MED23: variants seen among roughly 807,000 people sequenced by gnomAD.
The protein encoded by MED23 is mediator complex subunit 23, also known as mediator of RNA polymerase II transcription subunit 23.
In MED23, 105 loss-of-function variants were observed where a neutral mutation model predicts 163.9. That is an observed-to-expected ratio of 0.64 (90% CI 0.55 to 0.75). The LOEUF (loss-of-function observed/expected upper bound fraction) is 0.75, where lower values mean the gene tolerates loss of function less well. Among genes scored for constraint, MED23 ranks in the 30% least tolerant of loss-of-function variants. The pLI, the probability that MED23 is intolerant of heterozygous loss-of-function variation, is 0.00. For synonymous variants in MED23, 561 were observed against 565.6 expected, an observed-to-expected ratio of 0.99 and a Z score of 0.12; for missense variants, 1,054 against 1,649.0, an observed-to-expected ratio of 0.64 and a Z score of 6.25.
At chr6:131,618,978 C>T (rs1365841482) in intron 8 of MED23, among the ~76,000 whole-genome samples, 1 of 152,186 alleles carries the variant, frequency 6.6e-6, no homozygotes, top group African/African-American at 2.4e-5. Context: ...ACTTTATGCA[C>T]GATATTCCTA....
At chr6:131,622,452 A>C (rs1777181498) in intron 5 of MED23, among the ~76,000 whole-genome samples, 1 of 152,072 alleles carries the variant, frequency 6.6e-6, no homozygotes, top group Non-Finnish European at 1.5e-5. Flanking sequence ...ACATACCTTA[A>C]TCTCTCAAGG....
At chr6:131,592,932 T>C in intron 24 of MED23, 74 bp downstream of exon 24, 2 of 1,572,856 alleles carry the variant, frequency 1.3e-6, no homozygotes, top group Non-Finnish European at 1.7e-6. Flanking sequence ...AGGTTTGTCT[T>C]AAAAGTTTGA....
At chr6:131,578,721 A>T (rs1773757887) in intron 30 of MED23, among the ~76,000 whole-genome samples, 1 of 152,188 alleles carries the variant, frequency 6.6e-6, no homozygotes, top group African/African-American at 2.4e-5. Flanking sequence ...GTATTTAATT[A>T]TTATCAAAAT....
In MED23 at chr6:131,580,979, A is replaced by G. The variant is rs9483309; in HGVS notation, c.4096-6684T>C. On this transcript the variant is annotated intron_variant, in intron 30 of 30. Coordinates refer to the MED23 transcript ENST00000354577. Reference sequence around the variant, plus strand: ...GTTTTCTTACAAGGTGGATTTTGGGAAAAAAAATCACAGTTTTTTTAGTAA... The same window carrying G: ...GTTTTCTTACAAGGTGGATTTTGGGGAAAAAAATCACAGTTTTTTTAGTAA... Among the ~76,000 whole-genome samples, 1,671 of 152,048 alleles carry G rather than the reference A, an allele frequency of 0.011. 30 individuals are homozygous for G. Among genetic ancestry groups the G allele is most frequent in the African/African-American group, 0.038 (1,581 of 41,456 alleles).
chr6:131,579,378 A>C, intron 30 of MED23: 1 of 1,401,636 alleles, frequency 7.1e-7, no homozygotes, highest in Non-Finnish European at 9.8e-7. Flanking sequence ...TAGACAGAAA[A>C]GCATTGACCT....
In MED23 at chr6:131,587,830, C is replaced by T; in HGVS notation, c.3956G>A (p.Cys1319Tyr). The T allele has an allele frequency of 6.2e-7, 1 of 1,613,220 alleles. No homozygotes were observed. The change falls in exon 29 of 29, where the codon TGT becomes TAT. Residue 1319 changes from cysteine to tyrosine, a missense_variant. By Grantham distance (194) the Cys-to-Tyr change is radical. This residue lies in a region of MED23 where 362 missense variants were observed against 471.6 expected (regional missense o/e 0.77). Coordinates refer to ENST00000368068, the MANE Select transcript of MED23 (RefSeq NM_004830.4). ...AAGTTTTAAAGCTGGTTTTAAGTTA[C>T]AGATAATCTTCTCTACCTAAGAAAT... ...SVKEQVEKII[C>Y]NLKPALKLRL...
At chr6:131,617,425 T>C (rs918009218) in intron 9 of MED23, among the ~76,000 whole-genome samples, 1 of 151,262 alleles carries the variant, frequency 6.6e-6, no homozygotes, top group Non-Finnish European at 1.5e-5. Context: ...ATTGTAACTA[T>C]GATGTAAAAA....
chr6:131,612,840 T>TG (rs1321561729), intron 10 of MED23, among the ~76,000 whole-genome samples: 13 of 152,244 alleles, frequency 8.5e-5, no homozygotes, highest in African/African-American at 2.6e-4. Context: ...TGGCAAATGA[T>TG]GTCGCTTTTC....
chr6:131,577,876 C>A (rs1301028828), intron 30 of MED23, among the ~76,000 whole-genome samples: 1 of 150,130 alleles, frequency 6.7e-6, no homozygotes, highest in Non-Finnish European at 1.5e-5. Flanking sequence ...TGCACCCCAA[C>A]CTGGGCGACA....
chr6:131,583,053 T>C, downstream of MED23: 1 of 1,600,914 alleles, frequency 6.2e-7, no homozygotes, highest in Non-Finnish European at 8.6e-7. Context: ...TAATTTCTCT[T>C]TTATAGCTAC....
In MED23 at chr6:131,610,082, T is replaced by G. The variant is rs1474097365; in HGVS notation, c.1041A>C (p.Ala347=). 2 of 1,613,910 alleles carry G rather than the reference T, an allele frequency of 1.2e-6. No homozygotes were observed. The highest frequency in any genetic ancestry group is 1.7e-6 in the Non-Finnish European group (2 of 1,179,898). The change falls in exon 11 of 29, where the codon GCA becomes GCC. Residue 347 remains alanine (A), a synonymous_variant. Transcript: ENST00000368068. ...GAGAAAGCACCATATGTGGAAAACT[T>G]GCAAACTGGAAAAGCACAAAGAAAA... ...QLIFFVLFQF[A]SFPHMVLSLH... is the part of the protein sequence containing the mutation.
At position 131,574,211 on chromosome 6, in the gene MED23, T is replaced by C. The variant is rs1443837486; in HGVS notation, c.*82A>G. On this transcript the variant is annotated 3_prime_UTR_variant, in exon 31 of 31. Transcript: ENST00000354577. ...AATGTATGAGTTGAAACTACTAAGG[T>C]TGATTTTCTCCAGGTTTCTCAGGAT... 5 of 1,526,008 alleles carry C rather than the reference T, an allele frequency of 3.3e-6. No individual in the cohort carries two copies. The African/African-American group carries it at 4.1e-5, about 13-fold the overall frequency. 94.5% of individuals were successfully genotyped at this position (1,526,008 alleles called of 1,614,324 possible). A position where few individuals can be genotyped will look rare whatever the true frequency, so the allele number is the denominator to read the frequency against.
In MED23 at chr6:131,587,012, G is replaced by T; in HGVS notation, c.*667C>A. ...CATTTAAGCATGATTTTAAGTTCAA[G>T]AATTTTCAGATGTTATTTTCTTACA... On this transcript the variant is annotated 3_prime_UTR_variant, in exon 29 of 29. Transcript: ENST00000368068. 1 of 1,448,820 alleles carries T rather than the reference G, an allele frequency of 6.9e-7. No homozygotes were observed. Among genetic ancestry groups the T allele is most frequent in the Non-Finnish European group, 9.1e-7 (1 of 1,098,960 alleles). 89.7% of individuals were successfully genotyped at this position (1,448,820 alleles called of 1,614,324 possible). A position where few individuals can be genotyped will look rare whatever the true frequency, so the allele number is the denominator to read the frequency against.
At chr6:131,592,902 T>C (rs1585463963) in intron 24 of MED23, 104 bp downstream of exon 24, 1 of 1,301,236 alleles carries the variant, frequency 7.7e-7, no homozygotes, top group East Asian at 2.4e-5. Flanking sequence ...TCATCCAATG[T>C]GCATCAGCCT....
intron 22 of MED23, 108 bp from the exon 23 acceptor site, chr6:131,594,443 G>A: frequency 2.3e-6 from 2 of 867,954 alleles, no homozygotes; most frequent in Non-Finnish European, 3.9e-6. Context: ...GAAGATTTAT[G>A]AAACAACTTC....
chr6:131,592,932 T>TA, intron 24 of MED23, 74 bp downstream of exon 24: 1 of 1,572,856 alleles, frequency 6.4e-7, no homozygotes, highest in East Asian at 2.3e-5. Context: ...AGGTTTGTCT[T>TA]AAAAGTTTGA....
chr6:131,623,071 T>C (rs1777227090), intron 5 of MED23, among the ~76,000 whole-genome samples: 1 of 152,212 alleles, frequency 6.6e-6, no homozygotes, highest in African/African-American at 2.4e-5. Flanking sequence ...GAAGGGATCA[T>C]AATACTTGCA....
chr6:131,605,422 C>A lies in MED23; in HGVS notation c.1431G>T (p.Leu477Phe). ...LQMNDYKIAL[L>F]CNAYSTNSEC... ...CTGAATTTGTAGAGTATGCATTACA[C>A]AATAGAGCAATCTTATAGTCATTCA... is the stretch of plus-strand genomic sequence containing the variant. Residue 477 changes from leucine to phenylalanine, a missense_variant, in exon 14 of 29, where the codon TTG (leucine) becomes TTT (phenylalanine). Leu to Phe is a conservative substitution (Grantham distance 22). Around this residue, in one of 11 missense-constraint regions of MED23, gnomAD observed 39 missense variants for 50.5 expected, o/e 0.77. Coordinates refer to ENST00000368068, the MANE Select transcript of MED23 (RefSeq NM_004830.4). 2.5e-6 allele frequency: 4 copies of A among 1,611,748 alleles called. No individual in the cohort carries two copies. Among genetic ancestry groups the A allele is most frequent in the Non-Finnish European group, 3.4e-6 (4 of 1,178,268 alleles).
chr6:131,602,790 G>C (rs1409649302), intron 16 of MED23, among the ~76,000 whole-genome samples: 1 of 152,106 alleles, frequency 6.6e-6, no homozygotes, highest in African/African-American at 2.4e-5. Flanking sequence ...TACCCTGGAA[G>C]TACTAATTCT....
Sources: gnomAD v4.1 joint callset for allele counts (sites outside exome capture counted in the v4.1 genomes callset) on GRCh38, gnomAD v4.1.1 for gene constraint, gnomAD v4.1.1 regional missense constraint, MANE v1.5 for transcripts, NCBI Gene and HGNC (gene_info 2026-07-23, HGNC 2026-07-21) for gene names.